Variants in CASKIN2 observed in about 807,000 individuals in gnomAD.
CASKIN2 encodes caskin-2.
In CASKIN2, 41 loss-of-function variants were observed where a neutral mutation model predicts 107.1. That is an observed-to-expected ratio of 0.38 (90% CI 0.30 to 0.50). The LOEUF (loss-of-function observed/expected upper bound fraction) is 0.50, where lower values mean the gene tolerates loss of function less well. CASKIN2 is among the 20% of genes least tolerant of loss of function. CASKIN2 has a pLI of 0.92. For missense variants in CASKIN2, 1,546 were observed against 1,657.4 expected, an observed-to-expected ratio of 0.93 and a Z score of 1.17; for synonymous variants, 724 against 705.6, an observed-to-expected ratio of 1.03 and a Z score of -0.41.
At chr17:75,508,569 T>C (rs1056930599) in intron 2 of CASKIN2, among the ~76,000 whole-genome samples, 7 of 152,180 alleles carry the variant, frequency 4.6e-5, no homozygotes, top group African/African-American at 1.7e-4. Flanking sequence ...ACTGGCACGA[T>C]GTGCCCTCAG....
chr17:75,504,741 ACAGCTGTCTGG>A lies in CASKIN2; in HGVS notation c.1193-59_1193-49del, dbSNP rs771868471. On this transcript the variant is annotated intron_variant, in intron 11 of 19. Transcript: ENST00000321617. ...GGTCAGAGTCCCAAGTGTCGCTCTG[ACAGCTGTCTGG>A]CAGCTTGCCCAGGCCACACGCCCAC... is the stretch of plus-strand genomic sequence containing the variant. 4 of 1,576,232 alleles carry A rather than the reference ACAGCTGTCTGG, an allele frequency of 2.5e-6. No individual in the cohort carries two copies. In the East Asian group the frequency reaches 6.8e-5, roughly 27 times the overall value.
chr17:75,507,236 C>T (rs1567996400), intron 4 of CASKIN2, 107 bp from the exon 5 acceptor site: 23 of 1,274,148 alleles, frequency 1.8e-5, no homozygotes, highest in East Asian at 2.5e-5. Flanking sequence ...AGAGAGCCCA[C>T]GGGGATGCAA....
At chr17:75,507,271 AG>A in intron 4 of CASKIN2, 142 bp from the exon 5 acceptor site, 1 of 1,023,488 alleles carries the variant, frequency 9.8e-7, no homozygotes, top group South Asian at 1.6e-5. Flanking sequence ...AGGTGTGCTT[AG>A]GAAGAGGTTC....
chr17:75,506,344 T>C lies in CASKIN2; in HGVS notation c.687A>G (p.Ala229=), dbSNP rs750412920. The C allele has an allele frequency of 3.1e-6, 5 of 1,611,926 alleles. No individual in the cohort carries two copies. The highest frequency in any genetic ancestry group is 4.2e-6 in the Non-Finnish European group (5 of 1,179,918). ...GCACCACCTCGGTCTTGCCATACAGTGCGGCCTCGTGGAGCGCCGTACCCG... is the reference window on the plus strand; with the variant it reads ...GCACCACCTCGGTCTTGCCATACAGCGCGGCCTCGTGGAGCGCCGTACCCG... ...TKTGTALHEA[A]LYGKTEVVRL... is the part of the protein sequence containing the mutation. Residue 229 remains alanine (A), a synonymous_variant, in exon 8 of 20, where the codon GCA becomes GCG. Transcript: ENST00000321617. The surrounding 1 kb of genome is among the most constrained non-coding windows in gnomAD (Gnocchi z 4.8).
chr17:75,501,375 C>T lies in CASKIN2; in HGVS notation c.3518+93G>A. 7 of 1,399,506 alleles carry T rather than the reference C, an allele frequency of 5.0e-6. No homozygotes were observed. In the South Asian group the frequency reaches 5.2e-5, roughly 10 times the overall value. 86.7% of individuals were successfully genotyped at this position (1,399,506 alleles called of 1,614,324 possible). The stretch of plus-strand genomic sequence containing the variant: ...CTTATCCCGTTAGTGCCTGCAATGT[C>T]CCCCTCCAACATCCCCATGATCCCT... On this transcript the variant is annotated intron_variant, in intron 19 of 19. Transcript: ENST00000321617.
Position 75,503,268 on chromosome 17 carries a change from CG to C in CASKIN2, c.1820-15del. 1 of 1,577,708 alleles carries C rather than the reference CG, an allele frequency of 6.3e-7. No individual in the cohort carries two copies. Among genetic ancestry groups the C allele is most frequent in the Non-Finnish European group, 8.6e-7 (1 of 1,161,806 alleles). On this transcript the variant is annotated splice_polypyrimidine_tract_variant and intron_variant, in intron 17 of 19. Transcript: ENST00000321617. ...TCTTCTGATGCCCTGAGATGGGGGA[CG>C]GAAGTGGCAAGGTTAGCTGGGGCTG...
chr17:75,513,286 T>TA (rs200328651), intron 2 of CASKIN2, among the ~76,000 whole-genome samples: 55 of 150,472 alleles, frequency 3.7e-4, no homozygotes, highest in African/African-American at 1.3e-3. Context: ...ACCAAAAATA[T>TA]AAAAAAAAAT....
Position 75,503,932 on chromosome 17 carries a change from C to G in CASKIN2, c.1498G>C (p.Glu500Gln). 1 of 1,612,698 alleles carries G rather than the reference C, an allele frequency of 6.2e-7. No individual in the cohort carries two copies. Among genetic ancestry groups the G allele is most frequent in the South Asian group, 1.1e-5 (1 of 91,040 alleles). ...GCAGTGTAGCCCTCCAGCTGGAACTCGCTTAGCCAGTTATGAATGGCCTGC... is the reference window on the plus strand; with the variant it reads ...GCAGTGTAGCCCTCCAGCTGGAACTGGCTTAGCCAGTTATGAATGGCCTGC... The part of the protein sequence containing the change: ...DAQAIHNWLS[E>Q]FQLEGYTAHF... Residue 500 changes from glutamate to glutamine, a missense_variant, in exon 15 of 20, where the codon GAG becomes CAG. By Grantham distance (29) the Glu-to-Gln change is conservative. Transcript: ENST00000321617.
In CASKIN2 at chr17:75,502,916, T is replaced by C. The variant is rs1186154804; in HGVS notation, c.2158A>G (p.Ser720Gly). 6.4e-7 allele frequency: 1 copy of C among 1,559,590 alleles called. No homozygotes were observed. Among genetic ancestry groups the C allele is most frequent in the East Asian group, 2.3e-5 (1 of 44,368 alleles). ...TGGGGGGGGCTGGGATCTCCACCGC[T>C]GGGCTGTGGGGCAGGCTGTTCCTGT... ...HSQEQPAPQPSGGDPSPPQER... is the reference protein window; with the variant it reads ...HSQEQPAPQPGGGDPSPPQER... Residue 720 changes from serine to glycine, a missense_variant, in exon 18 of 20, where the codon AGC (serine) becomes GGC (glycine). Coordinates refer to ENST00000321617, the MANE Select transcript of CASKIN2 (RefSeq NM_020753.5). The surrounding 1 kb of genome is among the most constrained non-coding windows in gnomAD (Gnocchi z 4.3).
In CASKIN2 at chr17:75,501,819, G is replaced by T; in HGVS notation, c.3255C>A (p.Pro1085=). ...TGAGGAGGGCAGCAGGGGCGGCCGG[G>T]GGTTCTGTCTCCCCATTCCACCGAC... ...AASRWNGETE[P]PAAPAALLKV... The change falls in exon 18 of 20, where the codon CCC becomes CCA. Residue 1085 remains proline (P), a synonymous_variant. Coordinates refer to ENST00000321617, the MANE Select transcript of CASKIN2 (RefSeq NM_020753.5). 6.4e-7 allele frequency: 1 copy of T among 1,550,806 alleles called. No individual in the cohort carries two copies.
At chr17:75,511,734 T>C (rs964494682) in intron 2 of CASKIN2, among the ~76,000 whole-genome samples, 2 of 152,096 alleles carry the variant, frequency 1.3e-5, no homozygotes, top group African/African-American at 4.8e-5. Flanking sequence ...ACTTTGGGAC[T>C]GAGGGAAGGG....
At position 75,513,855 on chromosome 17, in the gene CASKIN2, C is replaced by CT. The variant is rs750406845; in HGVS notation, c.-52_-51insA. On this transcript the variant is annotated 5_prime_UTR_variant, in exon 2 of 20. Coordinates refer to ENST00000321617, the MANE Select transcript of CASKIN2 (RefSeq NM_020753.5). ...CTCAGGAGTCCAGGGCAAAGGCAGG[C>CT]AACGGGTCCAAGCTGGGGCGTCAGG... 3 of 1,556,676 alleles carry CT rather than the reference C, an allele frequency of 1.9e-6. No individual in the cohort carries two copies. In the African/African-American group the frequency reaches 4.1e-5, roughly 21 times the overall value.
At position 75,511,835 on chromosome 17, in the gene CASKIN2, A is replaced by G. The variant is rs971976671; in HGVS notation, c.94+1876T>C. Among the ~76,000 whole-genome samples the G allele has an allele frequency of 3.3e-5, 5 of 152,334 alleles. No homozygotes were observed. The South Asian group carries it at 1.0e-3, about 32-fold the overall frequency. On this transcript the variant is annotated intron_variant, in intron 2 of 19. Transcript: ENST00000321617. ...TCTGCAGTTCCCGCCACTGGCCTCC[A>G]AACCCCTCCCGCCTGCCCTCCTGAG...
rs751765830 is a variant in CASKIN2 at position 75,501,935 on chromosome 17, G to C, written c.3139C>G (p.Gln1047Glu). The C allele has an allele frequency of 1.4e-5, 22 of 1,596,516 alleles. No homozygotes were observed. The highest frequency in any genetic ancestry group is 1.8e-5 in the Non-Finnish European group (21 of 1,170,462). ...PQPEPSSLPA[Q>E]GVPTPLAPSP... ...GGAGCAAGGGGGGTTGGAACTCCTT[G>C]GGCTGGAAGGCTGCTGGGCTCGGGC... is the stretch of plus-strand genomic sequence containing the variant. The change falls in exon 18 of 20, where the codon CAA becomes GAA. Residue 1047 changes from glutamine to glutamate, a missense_variant. Gln to Glu is a conservative substitution (Grantham distance 29, BLOSUM62 2). Coordinates refer to ENST00000321617, the MANE Select transcript of CASKIN2 (RefSeq NM_020753.5).
chr17:75,501,560 G>C lies in CASKIN2; in HGVS notation c.3426C>G (p.Gly1142=), dbSNP rs1445610077. The change falls in exon 19 of 20, where the codon GGC becomes GGG. Residue 1142 remains glycine, a synonymous_variant. Coordinates refer to ENST00000321617, the MANE Select transcript of CASKIN2 (RefSeq NM_020753.5). ...TCTGCTCCAGTCTCTGCTGGGCCTG[G>C]CCTGGGCCCACAGTCCCAGTGCTCT... is the stretch of plus-strand genomic sequence containing the variant. The part of the protein sequence containing the change: ...RPESTGTVGP[G]QAQQRLEQTS... The C allele has an allele frequency of 6.2e-7, 1 of 1,611,798 alleles. No homozygotes were observed. Among genetic ancestry groups the C allele is most frequent in the Non-Finnish European group, 8.5e-7 (1 of 1,179,198 alleles).
At position 75,502,297 on chromosome 17, in the gene CASKIN2, G is replaced by T. The variant is rs202182938; in HGVS notation, c.2777C>A (p.Ala926Glu). ...TGGCTCCTCCTCCTCCGTGTCTGAC[G>T]CGGGCCCAGCCGGGGCAGGTGGGCC... ...PPGPPAPAGP[A>E]SDTEEEEPGP... Residue 926 changes from alanine (A) to glutamate (E), a missense_variant, in exon 18 of 20, where the codon GCG (alanine) becomes GAG (glutamate). Ala to Glu is a moderately radical substitution (Grantham distance 107, BLOSUM62 -1). This residue lies in a region of CASKIN2 where 1,311 missense variants were observed against 1,311.0 expected (regional missense o/e 1.00). Coordinates refer to ENST00000321617, the MANE Select transcript of CASKIN2 (RefSeq NM_020753.5). This position sits in a 1 kb window ranked among gnomAD's most constrained non-coding sequence, Gnocchi z 4.3. 4.7e-6 allele frequency: 7 copies of T among 1,500,876 alleles called. No homozygotes were observed. Among genetic ancestry groups the T allele is most frequent in the African/African-American group, 4.1e-5 (3 of 72,348 alleles). 93.0% of individuals were successfully genotyped at this position (1,500,876 alleles called of 1,614,324 possible).
At position 75,507,202 on chromosome 17, in the gene CASKIN2, C is replaced by T. The variant is rs79251961; in HGVS notation, c.245-73G>A. 5.2e-5 allele frequency: 78 copies of T among 1,494,144 alleles called. No homozygotes were observed. In the African/African-American group the frequency reaches 6.7e-4, roughly 13 times the overall value. 92.6% of individuals were successfully genotyped at this position (1,494,144 alleles called of 1,614,324 possible). Reference sequence around the variant, plus strand: ...GGGTGGAGAGGAACTGAGCAGAGTACGGAGCCAGCCCAGCTGGGAGGGCAG... The same window carrying T: ...GGGTGGAGAGGAACTGAGCAGAGTATGGAGCCAGCCCAGCTGGGAGGGCAG... On this transcript the variant is annotated intron_variant, in intron 4 of 19. Coordinates refer to ENST00000321617, the MANE Select transcript of CASKIN2 (RefSeq NM_020753.5).
At position 75,501,991 on chromosome 17, in the gene CASKIN2, C is replaced by G. The variant is rs909160755; in HGVS notation, c.3083G>C (p.Gly1028Ala). Residue 1028 changes from glycine (G) to alanine (A), a missense_variant, in exon 18 of 20, where the codon GGC becomes GCC. Gly to Ala is a moderately conservative substitution (Grantham distance 60). This residue lies in a region of CASKIN2 where 1,311 missense variants were observed against 1,311.0 expected (regional missense o/e 1.00). Coordinates refer to ENST00000321617, the MANE Select transcript of CASKIN2 (RefSeq NM_020753.5). The part of the protein sequence containing the change: ...PAAPLPSPTP[G>A]ESPPASSLPQ... The stretch of plus-strand genomic sequence containing the variant: ...AAGGCTAGAAGCTGGAGGAGACTCG[C>G]CAGGAGTTGGGGAAGGCAGTGGGGC... 24 of 1,612,194 alleles carry G rather than the reference C, an allele frequency of 1.5e-5. No homozygotes were observed. The African/African-American group carries it at 2.8e-4, about 19-fold the overall frequency.
In CASKIN2 at chr17:75,504,223, C is replaced by CTGAGGCCCACGGTGCACCCCGTGGATGT. The variant is rs1567994204; in HGVS notation, c.1458_1459insACATCCACGGGGTGCACCGTGGGCCTCA (p.Glu487ThrfsTer19). The CTGAGGCCCACGGTGCACCCCGTGGATGT allele has an allele frequency of 6.3e-7, 1 of 1,587,460 alleles. No homozygotes were observed. Among genetic ancestry groups the CTGAGGCCCACGGTGCACCCCGTGGATGT allele is most frequent in the Non-Finnish European group, 8.6e-7 (1 of 1,167,286 alleles). On this transcript the variant is annotated frameshift_variant, in exon 14 of 20. Coordinates refer to ENST00000321617, the MANE Select transcript of CASKIN2 (RefSeq NM_020753.5). LOFTEE classifies it high-confidence loss of function. The stretch of plus-strand genomic sequence containing the variant: ...CCCCGTGGAGGTCACACCTTCCCCT[C>CTGAGGCCCACGGTGCACCCCGTGGATGT]CAGCAGCTGTTCTGGCCGCACGTCC...
Sources: gnomAD v4.1 joint callset for allele counts (sites outside exome capture counted in the v4.1 genomes callset) on GRCh38, gnomAD v4.1.1 for gene constraint, gnomAD v4.1.1 regional missense constraint, Gnocchi (gnomAD v3.1) non-coding constraint, MANE v1.5 for transcripts, NCBI Gene and HGNC (gene_info 2026-07-23, HGNC 2026-07-21) for gene names.